Variants in TNRC6A observed in about 807,000 individuals in gnomAD.
The protein encoded by TNRC6A is trinucleotide repeat containing adaptor 6A, also known as trinucleotide repeat-containing gene 6A protein.
In TNRC6A, 44 loss-of-function variants were observed where a neutral mutation model predicts 221.2. That is an observed-to-expected ratio of 0.20 (90% CI 0.16 to 0.26). The LOEUF is 0.26. Ranked by LOEUF, TNRC6A falls within the 10% of genes least tolerant of loss-of-function variation. The pLI is 1.00. For missense variants in TNRC6A, 2,199 were observed against 2,404.4 expected, an observed-to-expected ratio of 0.91 and a Z score of 1.79; for synonymous variants, 847 against 838.5, an observed-to-expected ratio of 1.01 and a Z score of -0.18.
chr16:24,779,839 G>A (rs899202101), intron 5 of TNRC6A, among the ~76,000 whole-genome samples: 1 of 152,046 alleles, frequency 6.6e-6, no homozygotes, highest in African/African-American at 2.4e-5. Flanking sequence ...TGATCTATTC[G>A]TATTTGGCTT....
In TNRC6A at chr16:24,737,596, TG is replaced by T. The variant is rs2056798678; in HGVS notation, c.53+7298del. 3.3e-5 allele frequency among the ~76,000 whole-genome samples: 5 copies of T among 152,328 alleles called. No individual in the cohort carries two copies. In the South Asian group the frequency reaches 8.3e-4, roughly 25 times the overall value. On this transcript the variant is annotated intron_variant, in intron 2 of 24. Coordinates refer to ENST00000395799, the MANE Select transcript of TNRC6A (RefSeq NM_014494.4). ...GGAATGTTCAAAACAGATTGAAACC[TG>T]GTTGAAGAATTTTATACTTTGAACC... is the stretch of plus-strand genomic sequence containing the variant.
chr16:24,809,854 C>G (rs1040419462), intron 18 of TNRC6A, among the ~76,000 whole-genome samples: 1 of 152,238 alleles, frequency 6.6e-6, no homozygotes, highest in Non-Finnish European at 1.5e-5. Flanking sequence ...CATTCCGTCA[C>G]CCAGGCTGGA....
chr16:24,636,840 G>T (rs1332335584), intron 1 of TNRC6A, among the ~76,000 whole-genome samples: 5 of 152,080 alleles, frequency 3.3e-5, no homozygotes, highest in Non-Finnish European at 5.9e-5. Flanking sequence ...CCTATTAATA[G>T]ATATTTCTGA....
chr16:24,663,519 G>T, intron 2 of TNRC6A: 1 of 160,690 alleles, frequency 6.2e-6, no homozygotes, highest in Non-Finnish European at 1.4e-5. Flanking sequence ...TCCAGCCACC[G>T]CACTCCAACC....
At position 24,776,389 on chromosome 16, in the gene TNRC6A, C is replaced by T. The variant is rs560252900; in HGVS notation, c.164-544C>T. ...TTTGTCTTATATGATTCAGATATTA[C>T]ATTTTTAGCAAATACAGACATTGTT... On this transcript the variant is annotated intron_variant, in intron 4 of 24. Transcript: ENST00000395799. The T allele has an allele frequency of 5.3e-5, 52 of 985,372 alleles. 1 individual carries two copies. In the African/African-American group the frequency reaches 8.7e-4, roughly 17 times the overall value. 61.0% of individuals were successfully genotyped at this position (985,372 alleles called of 1,614,324 possible). A position where few individuals can be genotyped will look rare whatever the true frequency, so the allele number is the denominator to read the frequency against.
At chr16:24,752,763 TA>T (rs1386477688) in intron 3 of TNRC6A, among the ~76,000 whole-genome samples, 3 of 152,180 alleles carry the variant, frequency 2.0e-5, no homozygotes, top group Admixed American at 2.0e-4. Context: ...GGATATACTT[TA>T]TGTAGATTCA....
rs1292512729 is a variant in TNRC6A, at chr16:24,790,846, A to G, written c.2204A>G (p.Asp735Gly). 6.2e-7 allele frequency: 1 copy of G among 1,614,174 alleles called. No individual in the cohort carries two copies. Among genetic ancestry groups the G allele is most frequent in the Admixed American group, 1.7e-5 (1 of 60,022 alleles). The change falls in exon 6 of 25, where the codon GAT becomes GGT. Residue 735 changes from aspartate to glycine, a missense_variant. By Grantham distance (94) the Asp-to-Gly change is moderately conservative. This residue lies in a region of TNRC6A where 1,405 missense variants were observed against 1,400.2 expected (regional missense o/e 1.00). Transcript: ENST00000395799. ...CCTATTAAGCAGAATACTGCCTGGG[A>G]TACAGAAACATCACCTAGAGGGGAA... ...QTPIKQNTAW[D>G]TETSPRGERK... is the part of the protein sequence containing the mutation.
intron 3 of TNRC6A, among the ~76,000 whole-genome samples, chr16:24,755,422 C>T (rs574857882): frequency 6.6e-6 from 1 of 152,368 alleles, no homozygotes; most frequent in East Asian, 1.9e-4. Context: ...GCCAGCGCCA[C>T]AGCAGCAGCT....
intron 5 of TNRC6A, among the ~76,000 whole-genome samples, chr16:24,788,286 A>G (rs575850578): frequency 2.0e-5 from 3 of 152,352 alleles, no homozygotes; most frequent in Admixed American, 2.0e-4. Flanking sequence ...GTTCTTTTAT[A>G]TAAATGTGGT....
rs543424005 is a variant in TNRC6A at position 24,655,667 on chromosome 16, C to A, written n.402+14658C>A. 6.0e-5 allele frequency among the ~76,000 whole-genome samples: 9 copies of A among 150,844 alleles called. No homozygotes were observed. The South Asian group carries it at 1.7e-3, about 28-fold the overall frequency. The stretch of plus-strand genomic sequence containing the variant: ...TCGTGCCACTGCACTCCAGCCTGGG[C>A]GACAAGAGTGAAATTCTGTCTCAAA... On this transcript the variant is annotated intron_variant and non_coding_transcript_variant, in intron 2 of 2. Transcript: ENST00000566108.
chr16:24,625,492 G>A (rs1233757136), intron 1 of TNRC6A, among the ~76,000 whole-genome samples: 2 of 151,850 alleles, frequency 1.3e-5, no homozygotes, highest in Non-Finnish European at 2.9e-5. Flanking sequence ...TTGGGAGGCC[G>A]AGGCGGGTGG....
intron 2 of TNRC6A, among the ~76,000 whole-genome samples, chr16:24,677,876 G>A (rs1024882800): frequency 2.7e-5 from 4 of 149,212 alleles, no homozygotes; most frequent in Non-Finnish European, 4.5e-5. Flanking sequence ...CATTGCCCGC[G>A]TGGTTGCTGG....
chr16:24,767,977 G>A (rs1047845017), intron 4 of TNRC6A, among the ~76,000 whole-genome samples: 35 of 152,286 alleles, frequency 2.3e-4, no homozygotes, highest in African/African-American at 7.9e-4. Context: ...AGAACCCCAT[G>A]TGATACTTGT....
intron 11 of TNRC6A, among the ~76,000 whole-genome samples, chr16:24,800,722 C>T (rs903712641): frequency 3.9e-5 from 6 of 152,144 alleles, no homozygotes; most frequent in Non-Finnish European, 7.3e-5. Flanking sequence ...GGAGAGGTAT[C>T]TCACCGGAGA....
intron 1 of TNRC6A, among the ~76,000 whole-genome samples, chr16:24,619,861 G>T (rs1378107458): frequency 6.6e-6 from 1 of 152,148 alleles, no homozygotes; most frequent in East Asian, 1.9e-4. Context: ...TAGACAATAG[G>T]CCAGGTGCCG....
At chr16:24,798,413 A>C (rs1293044491) in intron 11 of TNRC6A, among the ~76,000 whole-genome samples, 1 of 152,210 alleles carries the variant, frequency 6.6e-6, no homozygotes, top group East Asian at 1.9e-4. Flanking sequence ...CTGAGTCATG[A>C]AGAGCTTGGG....
At position 24,638,946 on chromosome 16, in the gene TNRC6A, A is replaced by T. The variant is rs553295679; in HGVS notation, n.277-1938A>T. On this transcript the variant is annotated intron_variant and non_coding_transcript_variant, in intron 1 of 2. Coordinates refer to the TNRC6A transcript ENST00000566108. The stretch of plus-strand genomic sequence containing the variant: ...AGGACTTAGGAGGTCAAGTAAAACA[A>T]GGATAGAAATCTGTTGCCATTGGAT... Among the ~76,000 whole-genome samples, 109 of 152,340 alleles carry T rather than the reference A, an allele frequency of 7.2e-4. No homozygotes were observed. The South Asian group carries it at 9.7e-3, about 14-fold the overall frequency.
At chr16:24,800,614 C>T (rs1316245323) in intron 11 of TNRC6A, among the ~76,000 whole-genome samples, 4 of 152,202 alleles carry the variant, frequency 2.6e-5, no homozygotes, top group African/African-American at 4.8e-5. Flanking sequence ...TTTCTGCCTC[C>T]TTCATGGCTC....
chr16:24,675,181 T>A, intron 2 of TNRC6A, among the ~76,000 whole-genome samples: 1 of 152,056 alleles, frequency 6.6e-6, no homozygotes. Context: ...ACACCAATTT[T>A]ATGTAATTTT....
Sources: allele counts gnomAD v4.1 joint callset (sites outside exome capture counted in the v4.1 genomes callset), GRCh38; gene constraint gnomAD v4.1.1; regional missense constraint gnomAD v4.1.1; transcripts MANE v1.5; gene names NCBI Gene and HGNC (gene_info 2026-07-23, HGNC 2026-07-21).